Variants in ASB15 observed in about 807,000 individuals in gnomAD.
ASB15 encodes ankyrin repeat and SOCS box protein 15.
A neutral mutation model predicts 58.0 loss-of-function variants in ASB15; 54 were observed. The observed-to-expected ratio is 0.93, with a 90% confidence interval of 0.75 to 1.17. ASB15 has a LOEUF of 1.17. Among genes scored for constraint, ASB15 ranks in the 50% most tolerant of loss-of-function variants. The pLI, the probability that ASB15 is intolerant of heterozygous loss-of-function variation, is 0.00. For synonymous variants in ASB15, 249 were observed against 262.4 expected (o/e 0.95, Z 0.50); for missense variants, 680 against 707.4 (o/e 0.96, Z 0.44).
In ASB15 at chr7:123,629,266, T is replaced by C. The variant is rs1554397434; in HGVS notation, c.1272T>C (p.Tyr424=). The part of the protein sequence containing the change: ...NDTRFPSVIQ[Y]ALNDEVMLRL... ...CTCGTTTCCCCAGTGTCATTCAATATGCTCTAAACGACGAGGTAATGCTGA... is the reference window on the plus strand; with the variant it reads ...CTCGTTTCCCCAGTGTCATTCAATACGCTCTAAACGACGAGGTAATGCTGA... The change falls in exon 10 of 12, where the codon TAT becomes TAC. Residue 424 remains tyrosine, a synonymous_variant. Transcript: ENST00000451215. 85 of 1,614,046 alleles carry C rather than the reference T, an allele frequency of 5.3e-5. No homozygotes were observed. The South Asian group carries it at 9.2e-4, about 18-fold the overall frequency.
At chr7:123,611,379 C>T (rs930493449) in intron 3 of ASB15, among the ~76,000 whole-genome samples, 4 of 152,118 alleles carry the variant, frequency 2.6e-5, no homozygotes, top group African/African-American at 9.7e-5. Context: ...ACTGCAAGCT[C>T]CGCCTCCCGG....
intron 7 of ASB15, among the ~76,000 whole-genome samples, chr7:123,620,497 CATATACATACATATATATAT>C (rs1313563639): frequency 3.0e-5 from 2 of 66,254 alleles, no homozygotes; most frequent in Non-Finnish European, 5.0e-5. Context: ...TAATGTGACA[CATATACATACATATATATAT>C]ATATATATAT....
intron 8 of ASB15, among the ~76,000 whole-genome samples, chr7:123,625,178 G>A (rs568156777): frequency 3.3e-5 from 5 of 152,250 alleles, no homozygotes; most frequent in South Asian, 2.1e-4. Flanking sequence ...TTGAAAGATC[G>A]TATTTATCTC....
chr7:123,568,155 C>A (rs966191326), intron 1 of ASB15, among the ~76,000 whole-genome samples: 2 of 152,128 alleles, frequency 1.3e-5, no homozygotes, highest in Admixed American at 6.5e-5. Flanking sequence ...ATGGGGATAT[C>A]TCACACTCCC....
At chr7:123,615,717 A>G (rs567859231) in intron 4 of ASB15, among the ~76,000 whole-genome samples, 1 of 152,328 alleles carries the variant, frequency 6.6e-6, no homozygotes, top group East Asian at 1.9e-4. Flanking sequence ...TGTAGTTTAG[A>G]CCATAAGCTC....
intron 2 of ASB15, among the ~76,000 whole-genome samples, chr7:123,605,325 C>G (rs539515361): frequency 6.6e-6 from 1 of 152,146 alleles, no homozygotes; most frequent in South Asian, 2.1e-4. Context: ...ATGGCTACTA[C>G]TAAAAAGTCA....
At chr7:123,620,934 A>T (rs140109864) in intron 7 of ASB15, among the ~76,000 whole-genome samples, 1 of 152,010 alleles carries the variant, frequency 6.6e-6, no homozygotes, top group East Asian at 1.9e-4. Flanking sequence ...TGTTGTTTCT[A>T]TAGATCACCT....
At chr7:123,589,585 CT>C (rs766384329) in intron 1 of ASB15, among the ~76,000 whole-genome samples, 14 of 152,020 alleles carry the variant, frequency 9.2e-5, no homozygotes, top group East Asian at 1.9e-4. Context: ...GTTTTATGTC[CT>C]TGTGATATTT....
intron 8 of ASB15, among the ~76,000 whole-genome samples, chr7:123,626,307 C>G (rs1190604537): frequency 6.6e-6 from 1 of 152,116 alleles, no homozygotes; most frequent in Admixed American, 6.5e-5. Flanking sequence ...AGTTCAAGAC[C>G]AGCCTGGCCA....
At chr7:123,568,517 A>G (rs1461561564) in intron 1 of ASB15, among the ~76,000 whole-genome samples, 2 of 150,972 alleles carry the variant, frequency 1.3e-5, no homozygotes, top group Non-Finnish European at 3.0e-5. Flanking sequence ...GCGAAAGTCC[A>G]TCTCAAGAAA....
intron 4 of ASB15, 24 bp downstream of exon 4, chr7:123,614,633 CA>C (rs759826390): frequency 6.9e-7 from 1 of 1,441,926 alleles, no homozygotes; most frequent in South Asian, 1.2e-5. Context: ...CAACTATCCT[CA>C]GCAAAATTTC....
chr7:123,622,187 T>C (rs933488479), intron 7 of ASB15, among the ~76,000 whole-genome samples: 2 of 152,188 alleles, frequency 1.3e-5, no homozygotes, highest in African/African-American at 2.4e-5. Context: ...ATTGAAGCTA[T>C]ACATTTTAAA....
intron 7 of ASB15, among the ~76,000 whole-genome samples, chr7:123,618,771 T>G (rs1435219198): frequency 6.6e-6 from 1 of 152,164 alleles, no homozygotes; most frequent in Non-Finnish European, 1.5e-5. Context: ...ACAACCTTAA[T>G]ATTAAGAAAA....
intron 1 of ASB15, among the ~76,000 whole-genome samples, chr7:123,602,523 A>G (rs950863865): frequency 6.6e-6 from 1 of 152,178 alleles, no homozygotes; most frequent in African/African-American, 2.4e-5. Flanking sequence ...AGCTTTCTAT[A>G]TCTAAAATGA....
At chr7:123,577,003 A>C (rs1352439055) in intron 1 of ASB15, among the ~76,000 whole-genome samples, 1 of 152,168 alleles carries the variant, frequency 6.6e-6, no homozygotes, top group East Asian at 1.9e-4. Flanking sequence ...AAACAAGAAG[A>C]CTTCCTGTTA....
At chr7:123,584,557 T>C (rs1479884509) in intron 1 of ASB15, among the ~76,000 whole-genome samples, 1 of 151,952 alleles carries the variant, frequency 6.6e-6, no homozygotes, top group Non-Finnish European at 1.5e-5. Context: ...TAGATTAGTA[T>C]AATATTTCTT....
At chr7:123,593,894 T>G (rs949320859) in intron 1 of ASB15, among the ~76,000 whole-genome samples, 2 of 152,208 alleles carry the variant, frequency 1.3e-5, no homozygotes, top group Non-Finnish European at 2.9e-5. Context: ...GGTTCAATTC[T>G]CCCCGTCACT....
intron 1 of ASB15, among the ~76,000 whole-genome samples, chr7:123,595,324 C>T (rs919934587): frequency 6.6e-6 from 1 of 152,154 alleles, no homozygotes; most frequent in Non-Finnish European, 1.5e-5. Context: ...CTGGTTGATC[C>T]CTTCAACATG....
chr7:123,613,078 A>C (rs2116493625), intron 3 of ASB15, among the ~76,000 whole-genome samples: 1 of 152,100 alleles, frequency 6.6e-6, no homozygotes, highest in South Asian at 2.1e-4. Context: ...GCACTATTCT[A>C]TACCTTTTGT....
Sources: gnomAD v4.1 joint callset for allele counts (sites outside exome capture counted in the v4.1 genomes callset) on GRCh38, gnomAD v4.1.1 for gene constraint, MANE v1.5 for transcripts, NCBI Gene and HGNC (gene_info 2026-07-23, HGNC 2026-07-21) for gene names.